The following TATDN1 variants were observed in gnomAD, a reference collection of about 807,000 sequenced individuals.
TATDN1 encodes the protein deoxyribonuclease TATDN1.
In TATDN1, 40 loss-of-function variants were observed where a neutral mutation model predicts 46.4. The ratio of observed to expected loss-of-function variants is 0.86; its 90% confidence interval spans 0.67 to 1.12. The LOEUF (loss-of-function observed/expected upper bound fraction) is 1.12. Among genes scored for constraint, TATDN1 ranks in the 50% most tolerant of loss-of-function variants. The pLI, the probability that TATDN1 is intolerant of heterozygous loss-of-function variation, is 0.00. For missense variants in TATDN1, 326 were observed against 348.4 expected (o/e 0.94, Z 0.51); for synonymous variants, 95 against 105.6 (o/e 0.90, Z 0.62).
In TATDN1 at chr8:124,526,309, C is replaced by T. The variant is rs182655667; in HGVS notation, c.23-3307G>A. On this transcript the variant is annotated intron_variant, in intron 1 of 11. Coordinates refer to ENST00000276692, the MANE Select transcript of TATDN1 (RefSeq NM_032026.4). ...TTGAATAAACTCTGTAAACTAGATT[C>T]TGACCTTTTTGGTTATTTGAGGTTG... 3.9e-5 allele frequency among the ~76,000 whole-genome samples: 6 copies of T among 152,342 alleles called. 1 individual carries two copies. Among genetic ancestry groups the T allele is most frequent in the Admixed American group, 2.6e-4 (4 of 15,298 alleles).
chr8:124,526,006 G>C (rs1477380343), intron 1 of TATDN1, among the ~76,000 whole-genome samples: 2 of 152,164 alleles, frequency 1.3e-5, no homozygotes, highest in Admixed American at 6.5e-5. Flanking sequence ...TCCCCTTTGA[G>C]CTACATAATT....
chr8:124,516,306 T>A (rs1218579545), intron 4 of TATDN1, among the ~76,000 whole-genome samples: 2 of 143,122 alleles, frequency 1.4e-5, no homozygotes, highest in Non-Finnish European at 3.1e-5. Context: ...CAAAGTGAAA[T>A]TTTTTTTTTT....
chr8:124,525,043 C>T (rs1180849752), intron 1 of TATDN1, among the ~76,000 whole-genome samples: 1 of 152,150 alleles, frequency 6.6e-6, no homozygotes, highest in African/African-American at 2.4e-5. Flanking sequence ...AGTCCCTTGA[C>T]CCAAGTGCAG....
intron 6 of TATDN1, among the ~76,000 whole-genome samples, chr8:124,514,846 C>T (rs1819322999): frequency 6.6e-6 from 1 of 152,190 alleles, no homozygotes. Flanking sequence ...AACATGGCTC[C>T]TATTAAAGGA....
intron 3 of TATDN1, 42 bp from the exon 4 acceptor site, chr8:124,518,923 C>T: frequency 7.6e-7 from 1 of 1,310,304 alleles, no homozygotes; most frequent in African/African-American, 1.5e-5. Flanking sequence ...TTTAATAGGG[C>T]AGCAATAACA....
At chr8:124,505,315 C>A (rs7820221) in intron 8 of TATDN1, among the ~76,000 whole-genome samples, 7 of 151,428 alleles carry the variant, frequency 4.6e-5, no homozygotes, top group Non-Finnish European at 8.8e-5. Flanking sequence ...ACCTGGAAGG[C>A]GGAGGTTGCG....
chr8:124,505,599 G>A (rs1818341858), intron 8 of TATDN1, among the ~76,000 whole-genome samples: 1 of 150,190 alleles, frequency 6.7e-6, no homozygotes, highest in Non-Finnish European at 1.5e-5. Flanking sequence ...CAAGCAGAAG[G>A]GATTGAGATG....
chr8:124,527,461 G>A (rs1482622245), intron 1 of TATDN1, among the ~76,000 whole-genome samples: 1 of 152,170 alleles, frequency 6.6e-6, no homozygotes, highest in African/African-American at 2.4e-5. Context: ...GTGGTTGGCT[G>A]AAGTCAGCAG....
intron 8 of TATDN1, among the ~76,000 whole-genome samples, chr8:124,507,203 T>C (rs1226958119): frequency 6.6e-6 from 1 of 151,832 alleles, no homozygotes; most frequent in African/African-American, 2.4e-5. Flanking sequence ...AGGTATGTGG[T>C]TAGCAGATAG....
At chr8:124,512,918 CT>C (rs557807792) in intron 6 of TATDN1, among the ~76,000 whole-genome samples, 3 of 149,172 alleles carry the variant, frequency 2.0e-5, no homozygotes, top group African/African-American at 4.9e-5. Context: ...ACTAGTGTGT[CT>C]TTTTTTTTTC....
At chr8:124,534,145 C>CAAAAAAAAAAAAAAAAAA (rs869060230) in intron 1 of TATDN1, among the ~76,000 whole-genome samples, 5 of 51,266 alleles carry the variant, frequency 9.8e-5, no homozygotes, top group Admixed American at 3.1e-4. Context: ...GACTCCGTCT[C>CAAAAAAAAAAAAAAAAAA]AAAAAAAAAA....
At chr8:124,495,874 T>C (rs557623081) in intron 9 of TATDN1, among the ~76,000 whole-genome samples, 1 of 152,370 alleles carries the variant, frequency 6.6e-6, no homozygotes, top group Non-Finnish European at 1.5e-5. Context: ...TCTAAGGCTG[T>C]AAACGTTCAT....
chr8:124,505,527 A>G (rs1011261627), intron 8 of TATDN1, among the ~76,000 whole-genome samples: 3 of 149,830 alleles, frequency 2.0e-5, no homozygotes, highest in African/African-American at 7.5e-5. Flanking sequence ...GAGATCAGCG[A>G]AACTGTCTCA....
rs369341160 is a variant in TATDN1 at position 124,488,610 on chromosome 8, A to G, written c.878T>C (p.Phe293Ser). 53 of 1,554,558 alleles carry G rather than the reference A, an allele frequency of 3.4e-5. No individual in the cohort carries two copies. Among genetic ancestry groups the G allele is most frequent in the Middle Eastern group, 3.6e-4 (2 of 5,614 alleles). ...NTLYNNTIKV[F>S]FPGI ...ATATACCAATTATATTCCAGGAAAAAATACTTTAATAGTATTGTTATATAG... is the reference window on the plus strand; with the variant it reads ...ATATACCAATTATATTCCAGGAAAAGATACTTTAATAGTATTGTTATATAG... The change falls in exon 12 of 12, where the codon TTT becomes TCT. Residue 293 changes from phenylalanine to serine, a missense_variant. Phe to Ser is a radical substitution (Grantham distance 155). Coordinates refer to ENST00000276692, the MANE Select transcript of TATDN1 (RefSeq NM_032026.4).
intron 9 of TATDN1, among the ~76,000 whole-genome samples, chr8:124,498,385 CCATA>C (rs1319805461): frequency 2.6e-5 from 4 of 152,198 alleles, no homozygotes; most frequent in African/African-American, 9.6e-5. Flanking sequence ...CTAGTCCTCA[CCATA>C]CAGTTTTTTC....
intron 11 of TATDN1, among the ~76,000 whole-genome samples, chr8:124,491,818 T>C (rs993251241): frequency 1.6e-4 from 24 of 152,342 alleles, no homozygotes; most frequent in African/African-American, 5.3e-4. Context: ...AAAATGACTT[T>C]GCAAGTAGCA....
chr8:124,526,081 A>C (rs1299408038), intron 1 of TATDN1, among the ~76,000 whole-genome samples: 4 of 152,198 alleles, frequency 2.6e-5, no homozygotes, highest in Non-Finnish European at 5.9e-5. Flanking sequence ...AATGCCATAC[A>C]CCCTATAGTT....
At chr8:124,534,834 G>A (rs1322408327) in intron 1 of TATDN1, among the ~76,000 whole-genome samples, 1 of 152,210 alleles carries the variant, frequency 6.6e-6, no homozygotes, top group Non-Finnish European at 1.5e-5. Flanking sequence ...GCTACAATAA[G>A]AGGTTCCCAC....
chr8:124,488,836 C>G (rs898433948), intron 11 of TATDN1, 140 bp from the exon 12 acceptor site: 2 of 613,524 alleles, frequency 3.3e-6, no homozygotes, highest in African/African-American at 3.9e-5. Context: ...AGTTTTTCAG[C>G]AATATCAATA....
Sources: gnomAD v4.1 joint callset for allele counts (sites outside exome capture counted in the v4.1 genomes callset) on GRCh38, gnomAD v4.1.1 for gene constraint, MANE v1.5 for transcripts, NCBI Gene and HGNC (gene_info 2026-07-23, HGNC 2026-07-21) for gene names.